Variants in DIAPH1 observed in about 807,000 individuals in gnomAD.
DIAPH1 encodes the protein diaphanous related formin 1, also known as protein diaphanous homolog 1.
In DIAPH1, 46 loss-of-function variants were observed where a neutral mutation model predicts 140.7. The ratio of observed to expected loss-of-function variants is 0.33; its 90% confidence interval spans 0.26 to 0.42. The LOEUF is 0.42. Among genes scored for constraint, DIAPH1 ranks in the 10% least tolerant of loss-of-function variants. DIAPH1 has a pLI of 1.00. For missense variants in DIAPH1, 1,310 were observed against 1,558.7 expected (o/e 0.84, Z 2.69); for synonymous variants, 565 against 551.6 (o/e 1.02, Z -0.34).
intron 18 of DIAPH1, among the ~76,000 whole-genome samples, chr5:141,542,963 T>C (rs2099890232): frequency 6.6e-6 from 1 of 152,140 alleles, no homozygotes; most frequent in Non-Finnish European, 1.5e-5. Context: ...CAATGATAAA[T>C]TTTCTAAATG....
At chr5:141,518,382 T>A (rs2099886025) in intron 27 of DIAPH1, among the ~76,000 whole-genome samples, 1 of 149,490 alleles carries the variant, frequency 6.7e-6, no homozygotes. Flanking sequence ...AGTACCGGAA[T>A]GTTTTAGAAG....
At chr5:141,571,485 A>T (rs1206614638) in intron 17 of DIAPH1, 49 bp from the exon 18 acceptor site, 1 of 1,550,386 alleles carries the variant, frequency 6.5e-7, no homozygotes, top group Non-Finnish European at 8.9e-7. Context: ...TATTGGAAAG[A>T]AATGGAAGGA....
chr5:141,527,382 C>G (rs989895989), intron 24 of DIAPH1, among the ~76,000 whole-genome samples, 191 bp downstream of exon 24: 1 of 152,094 alleles, frequency 6.6e-6, no homozygotes, highest in Non-Finnish European at 1.5e-5. Flanking sequence ...CACCACTGCA[C>G]TCCAGCCTGG....
intron 19 of DIAPH1, 141 bp from the exon 20 acceptor site, chr5:141,529,838 C>T (rs2099887932): frequency 1.8e-5 from 13 of 738,488 alleles, no homozygotes; most frequent in African/African-American, 3.5e-5. Flanking sequence ...AATCCCAGCA[C>T]TTCGGGAGGC....
chr5:141,610,518 C>T (rs1290987059), intron 1 of DIAPH1, among the ~76,000 whole-genome samples: 1 of 152,070 alleles, frequency 6.6e-6, no homozygotes, highest in Non-Finnish European at 1.5e-5. Flanking sequence ...CCAGGATGGT[C>T]TCGATCTCTT....
intron 3 of DIAPH1, among the ~76,000 whole-genome samples, chr5:141,585,468 A>G (rs1045052575): frequency 6.6e-6 from 1 of 152,182 alleles, no homozygotes; most frequent in Non-Finnish European, 1.5e-5. Flanking sequence ...CAGGTCAAAC[A>G]AACGGTTTTT....
At chr5:141,523,401 C>T (rs938776120) in intron 27 of DIAPH1, among the ~76,000 whole-genome samples, 4 of 152,196 alleles carry the variant, frequency 2.6e-5, no homozygotes, top group Admixed American at 2.0e-4. Context: ...AGTCTCTTGG[C>T]CACTGTAAGC....
At chr5:141,529,734 G>A (rs772440263) in intron 19 of DIAPH1, 37 bp from the exon 20 acceptor site, 10 of 1,575,026 alleles carry the variant, frequency 6.3e-6, no homozygotes, top group Admixed American at 3.3e-5. Flanking sequence ...TGTTCTTCTC[G>A]GTCTGTTCCC....
At chr5:141,592,263 C>T (rs754613804) in intron 1 of DIAPH1, among the ~76,000 whole-genome samples, 9 of 152,002 alleles carry the variant, frequency 5.9e-5, no homozygotes, top group Non-Finnish European at 1.0e-4. Flanking sequence ...ACAAGCAAAA[C>T]GGTTTTAGAA....
At chr5:141,537,220 A>G (rs1032053877) in intron 18 of DIAPH1, among the ~76,000 whole-genome samples, 2 of 152,154 alleles carry the variant, frequency 1.3e-5, no homozygotes, top group Non-Finnish European at 2.9e-5. Flanking sequence ...GCGGTGGCTC[A>G]TGCTTGTAAT....
intron 17 of DIAPH1, 39 bp from the exon 18 acceptor site, chr5:141,571,475 T>C: frequency 6.3e-7 from 1 of 1,592,878 alleles, no homozygotes; most frequent in Admixed American, 1.7e-5. Flanking sequence ...AGGCATCCAA[T>C]ATTGGAAAGA....
At chr5:141,577,733 C>A in intron 11 of DIAPH1, 142 bp from the exon 12 acceptor site, 1 of 699,202 alleles carries the variant, frequency 1.4e-6, no homozygotes, top group East Asian at 2.7e-5. Flanking sequence ...TAAACATCAC[C>A]AGAAACTTTA....
Position 141,618,843 on chromosome 5 carries a change from A to T in DIAPH1, c.72T>A (p.Asp24Glu), listed in dbSNP as rs1189716868. 8 of 1,545,290 alleles carry T rather than the reference A, an allele frequency of 5.2e-6. No homozygotes were observed. The highest frequency in any genetic ancestry group is 7.0e-6 in the Non-Finnish European group (8 of 1,145,030). ...CGTCGCCGCCCGCCGAGGGCAGCTC[A>T]TCTGGGCTCCGGCCCTTCTTCTTGT... is the stretch of plus-strand genomic sequence containing the variant. The part of the protein sequence containing the change: ...TRDKKKGRSP[D>E]ELPSAGGDGG... The change falls in exon 1 of 28, where the codon GAT becomes GAA. Residue 24 changes from aspartate (D) to glutamate (E), a missense_variant. By Grantham distance (45) the Asp-to-Glu change is conservative. Coordinates refer to ENST00000389054, the MANE Select transcript of DIAPH1 (RefSeq NM_005219.5).
intron 18 of DIAPH1, among the ~76,000 whole-genome samples, chr5:141,550,908 A>C (rs2099891583): frequency 6.6e-6 from 1 of 152,228 alleles, no homozygotes; most frequent in South Asian, 2.1e-4. Context: ...CTTAACATCC[A>C]AACCAAATTT....
intron 18 of DIAPH1, among the ~76,000 whole-genome samples, chr5:141,568,406 G>C (rs978890510): frequency 6.6e-6 from 1 of 152,080 alleles, no homozygotes; most frequent in African/African-American, 2.4e-5. Flanking sequence ...AAAAGGACCA[G>C]AAGTTTTATG....
intron 17 of DIAPH1, 82 bp from the exon 18 acceptor site, chr5:141,571,518 C>T: frequency 8.1e-7 from 1 of 1,234,374 alleles, no homozygotes; most frequent in South Asian, 1.3e-5. Context: ...ACATATGGTT[C>T]TTGTTACTGT....
chr5:141,576,183 CAAAG>C (rs2099895942), intron 14 of DIAPH1, 43 bp downstream of exon 14: 4 of 1,431,232 alleles, frequency 2.8e-6, no homozygotes, highest in Non-Finnish European at 3.0e-6. Context: ...TAATAATTCT[CAAAG>C]AAAGATATAC....
chr5:141,529,789 C>T, intron 19 of DIAPH1, 92 bp from the exon 20 acceptor site: 1 of 1,179,916 alleles, frequency 8.5e-7, no homozygotes, highest in South Asian at 1.2e-5. Context: ...ATCTTCCTAA[C>T]AGGGCTCTTT....
rs115307198 is a variant in DIAPH1, at chr5:141,576,017, C to T, written c.1461+213G>A. 9.3e-3 allele frequency among the ~76,000 whole-genome samples: 1,422 copies of T among 152,282 alleles called. 17 individuals are homozygous for T. Among genetic ancestry groups the T allele is most frequent in the African/African-American group, 0.033 (1,372 of 41,558 alleles). On this transcript the variant is annotated intron_variant, in intron 14 of 27. Coordinates refer to ENST00000389054, the MANE Select transcript of DIAPH1 (RefSeq NM_005219.5). ...CTTTTCCTGCCCAGTAGCCCAAGAACTGAAAGTCCACCACTAGAGCTCCCT... is the reference window on the plus strand; with the variant it reads ...CTTTTCCTGCCCAGTAGCCCAAGAATTGAAAGTCCACCACTAGAGCTCCCT...
Sources: gnomAD v4.1 joint callset for allele counts (sites outside exome capture counted in the v4.1 genomes callset) on GRCh38, gnomAD v4.1.1 for gene constraint, MANE v1.5 for transcripts, NCBI Gene and HGNC (gene_info 2026-07-23, HGNC 2026-07-21) for gene names.